RARB: variants seen among roughly 807,000 people sequenced by gnomAD.
The protein encoded by RARB is retinoic acid receptor beta, also known as HBV-activated protein.
Under a neutral mutation model 51.9 loss-of-function variants are expected in RARB, and 17 were observed. That is an observed-to-expected ratio of 0.33 (90% CI 0.22 to 0.49). The LOEUF (loss-of-function observed/expected upper bound fraction) is 0.49, where lower values mean the gene tolerates loss of function less well. RARB is among the 20% of genes least tolerant of loss of function. The probability of loss-of-function intolerance (pLI) is 0.99; values close to 1 mark genes in which losing one functional copy is unlikely to be tolerated. For synonymous variants in RARB, 215 were observed against 195.4 expected, an observed-to-expected ratio of 1.10 and a Z score of -0.84; for missense variants, 369 against 550.8, an observed-to-expected ratio of 0.67 and a Z score of 3.30.
chr3:24,952,760 A>T (rs775467443), intron 2 of RARB, among the ~76,000 whole-genome samples: 8 of 148,386 alleles, frequency 5.4e-5, no homozygotes, highest in Non-Finnish European at 7.4e-5. Context: ...TTTCCCTGAT[A>T]GATTCATTAC....
chr3:24,914,915 T>G lies in RARB; in HGVS notation c.-380+56163T>G, dbSNP rs754686500. Among the ~76,000 whole-genome samples, 119 of 152,190 alleles carry G rather than the reference T, an allele frequency of 7.8e-4. 1 individual carries two copies. Among genetic ancestry groups the G allele is most frequent in the Non-Finnish European group, 1.3e-3 (89 of 68,026 alleles). ...ATAAATGTACCTCACTGTGACCTGT[T>G]TGGATTTGTTGTTGAGCTTCCTAAA... On this transcript the variant is annotated intron_variant, in intron 2 of 11. Coordinates refer to the RARB transcript ENST00000383772.
chr3:24,842,617 C>A (rs2125331067), intron 1 of RARB, among the ~76,000 whole-genome samples: 1 of 152,228 alleles, frequency 6.6e-6, no homozygotes, highest in Non-Finnish European at 1.5e-5. Flanking sequence ...ATCCTGGGTA[C>A]TTTTTCGAGG....
intron 2 of RARB, among the ~76,000 whole-genome samples, chr3:25,030,637 G>A (rs1178117542): frequency 1.3e-5 from 2 of 152,154 alleles, no homozygotes; most frequent in Non-Finnish European, 2.9e-5. Context: ...TGTAGAGCAG[G>A]AGTGCCTAAA....
chr3:25,467,972 G>A (rs996671923), intron 2 of RARB, among the ~76,000 whole-genome samples: 2 of 152,076 alleles, frequency 1.3e-5, no homozygotes, highest in African/African-American at 2.4e-5. Flanking sequence ...ATAATTTAGG[G>A]GTATTCTATT....
At chr3:25,087,566 A>T (rs960810855) in intron 3 of RARB, among the ~76,000 whole-genome samples, 29 of 152,164 alleles carry the variant, frequency 1.9e-4, no homozygotes, top group Non-Finnish European at 2.9e-5. Flanking sequence ...TAAATACCTC[A>T]TAGGTTCGTT....
At chr3:24,959,522 G>T (rs1224385610) in intron 2 of RARB, among the ~76,000 whole-genome samples, 2 of 152,190 alleles carry the variant, frequency 1.3e-5, no homozygotes, top group African/African-American at 2.4e-5. Flanking sequence ...GTGGGGCGGG[G>T]TAGGCCAGGA....
At chr3:25,068,379 C>T (rs1364057101) in intron 3 of RARB, among the ~76,000 whole-genome samples, 2 of 151,664 alleles carry the variant, frequency 1.3e-5, no homozygotes, top group African/African-American at 2.4e-5. Flanking sequence ...TCACTAATCA[C>T]CATACTTCTC....
chr3:25,336,189 A>G (rs1559362311), intron 5 of RARB, among the ~76,000 whole-genome samples: 1 of 152,222 alleles, frequency 6.6e-6, no homozygotes, highest in Non-Finnish European at 1.5e-5. Flanking sequence ...CTGGAAGAAT[A>G]TAAACCAAAA....
chr3:25,279,945 G>A (rs56176108), intron 5 of RARB, among the ~76,000 whole-genome samples: 7,538 of 152,194 alleles, frequency 0.05, 644 homozygotes, highest in African/African-American at 0.17. Context: ...AGGATTGAGA[G>A]GTGGAGTTGT....
intron 4 of RARB, among the ~76,000 whole-genome samples, chr3:25,163,207 C>A (rs1700500635): frequency 6.6e-6 from 1 of 152,058 alleles, no homozygotes; most frequent in African/African-American, 2.4e-5. Context: ...TTCTTCCACA[C>A]CTGAAAAATA....
At chr3:25,231,055 T>C (rs1702165255) in intron 5 of RARB, among the ~76,000 whole-genome samples, 1 of 152,130 alleles carries the variant, frequency 6.6e-6, no homozygotes, top group Non-Finnish European at 1.5e-5. Context: ...CAGAATGTGC[T>C]TTGTAAGTTT....
rs540878627 is a variant in RARB at position 25,005,144 on chromosome 3, G to T, written c.-379-54981G>T. Among the ~76,000 whole-genome samples, 6 of 152,204 alleles carry T rather than the reference G, an allele frequency of 3.9e-5. No homozygotes were observed. The South Asian group carries it at 1.0e-3, about 26-fold the overall frequency. On this transcript the variant is annotated intron_variant, in intron 2 of 11. Coordinates refer to the RARB transcript ENST00000383772. ...TATCCAACCACTTCTCACTGCCTCT[G>T]TTGCTACCAGTTAGTCCAGATTGCC...
chr3:24,933,845 G>A lies in RARB; in HGVS notation c.-380+75093G>A, dbSNP rs548615501. Among the ~76,000 whole-genome samples, 45 of 151,994 alleles carry A rather than the reference G, an allele frequency of 3.0e-4. No individual in the cohort carries two copies. The South Asian group carries it at 8.7e-3, about 29-fold the overall frequency. On this transcript the variant is annotated intron_variant, in intron 2 of 11. Coordinates refer to the RARB transcript ENST00000383772. The stretch of plus-strand genomic sequence containing the variant: ...ATGTAATGTAAAATAAGGAAGGATC[G>A]AACAAAGCATTAAACAAAAAAATTG...
upstream of RARB, among the ~76,000 whole-genome samples, chr3:25,427,692 G>C (rs1302066987): frequency 2.0e-5 from 3 of 152,164 alleles, no homozygotes; most frequent in African/African-American, 7.2e-5. Flanking sequence ...CTTGCAAGAG[G>C]GAGAAAGAGA....
chr3:25,137,897 A>G (rs1700056029), intron 4 of RARB, among the ~76,000 whole-genome samples: 1 of 152,114 alleles, frequency 6.6e-6, no homozygotes, highest in African/African-American at 2.4e-5. Context: ...AGTTGAGTTT[A>G]AAAGAAGATT....
rs191894688 is a variant in RARB at position 25,135,203 on chromosome 3, G to A, written c.-280+2995G>A. Reference sequence around the variant, plus strand: ...CACTAGCCAGGTGTGGCTATTGAGCGCTCAAAAATAGCTAGTGCAACTAAG... The same window carrying A: ...CACTAGCCAGGTGTGGCTATTGAGCACTCAAAAATAGCTAGTGCAACTAAG... On this transcript the variant is annotated intron_variant, in intron 4 of 11. Coordinates refer to the RARB transcript ENST00000383772. Among the ~76,000 whole-genome samples, 126 of 151,684 alleles carry A rather than the reference G, an allele frequency of 8.3e-4. 1 individual carries two copies. The Middle Eastern group carries it at 0.01, about 12-fold the overall frequency.
intron 2 of RARB, among the ~76,000 whole-genome samples, chr3:25,046,741 C>T (rs117410593): frequency 0.013 from 2,051 of 152,266 alleles, 41 homozygotes; most frequent in East Asian, 0.051. Context: ...AGGCATGAAC[C>T]ACCACTCCTG....
intron 5 of RARB, among the ~76,000 whole-genome samples, chr3:25,209,600 T>C (rs1381582985): frequency 1.3e-5 from 2 of 152,194 alleles, no homozygotes; most frequent in African/African-American, 4.8e-5. Context: ...ATTTCGGCTC[T>C]TTCACCCTTC....
chr3:25,357,625 T>C (rs1357367599), intron 5 of RARB, among the ~76,000 whole-genome samples: 2 of 152,226 alleles, frequency 1.3e-5, no homozygotes, highest in African/African-American at 4.8e-5. Flanking sequence ...GGTTTTCTTC[T>C]AGGGTTTTTA....
Sources: gnomAD v4.1 joint callset for allele counts (sites outside exome capture counted in the v4.1 genomes callset) on GRCh38, gnomAD v4.1.1 for gene constraint, MANE v1.5 for transcripts, NCBI Gene and HGNC (gene_info 2026-07-23, HGNC 2026-07-21) for gene names.